COL19A1: variants seen among roughly 807,000 people sequenced by gnomAD.
COL19A1 encodes collagen type XIX alpha 1 chain, also known as collagen alpha-1(XIX) chain.
Under a neutral mutation model 190.2 loss-of-function variants are expected in COL19A1, and 159 were observed. That is an observed-to-expected ratio of 0.84 (90% CI 0.73 to 0.95). COL19A1 has a LOEUF of 0.95. Ranked by LOEUF, COL19A1 falls within the 40% of genes least tolerant of loss-of-function variation. The probability of loss-of-function intolerance (pLI) is 0.00; values close to 1 mark genes in which losing one functional copy is unlikely to be tolerated. For missense variants in COL19A1, 1,418 were observed against 1,431.9 expected, an observed-to-expected ratio of 0.99 and a Z score of 0.16; for synonymous variants, 509 against 458.9, an observed-to-expected ratio of 1.11 and a Z score of -1.39.
intron 5 of COL19A1, among the ~76,000 whole-genome samples, chr6:69,928,252 G>C (rs1772525440): frequency 6.6e-6 from 1 of 151,886 alleles, no homozygotes; most frequent in African/African-American, 2.4e-5. Flanking sequence ...GTTAGTTTTT[G>C]TTTTTATTTT....
intron 17 of COL19A1, among the ~76,000 whole-genome samples, chr6:70,127,591 G>A (rs781243780): frequency 7.2e-5 from 11 of 152,308 alleles, no homozygotes; most frequent in South Asian, 4.2e-4. Context: ...CCTAGACTGG[G>A]CAATTTACAA....
intron 4 of COL19A1, among the ~76,000 whole-genome samples, chr6:69,906,276 G>A (rs1436386667): frequency 6.6e-6 from 1 of 152,124 alleles, no homozygotes; most frequent in Non-Finnish European, 1.5e-5. Flanking sequence ...CAGCTTGACT[G>A]GCCGATGAAG....
chr6:70,210,562 T>A lies in COL19A1; in HGVS notation c.*3288T>A, dbSNP rs1220492008. Among the ~76,000 whole-genome samples, 1 of 152,182 alleles carries A rather than the reference T, an allele frequency of 6.6e-6. No individual in the cohort carries two copies. The highest frequency in any genetic ancestry group is 1.5e-5 in the Non-Finnish European group (1 of 68,006). On this transcript the variant is annotated 3_prime_UTR_variant, in exon 51 of 51. Transcript: ENST00000620364. ...TGTCTGTGAAAATTATCATTTGATA[T>A]TTGGCTTATAAAGTAATTTTTATGA...
At chr6:69,881,212 G>A (rs1214898700) in intron 2 of COL19A1, among the ~76,000 whole-genome samples, 2 of 152,144 alleles carry the variant, frequency 1.3e-5, no homozygotes, top group Non-Finnish European at 2.9e-5. Context: ...ATTATCTGAG[G>A]AAAACTCTTA....
chr6:70,166,133 A>G lies in COL19A1; in HGVS notation c.2445+148A>G, dbSNP rs1361308384. The G allele has an allele frequency of 8.4e-6, 6 of 717,720 alleles. No homozygotes were observed. In the African/African-American group the frequency reaches 1.1e-4, roughly 13 times the overall value. 44.5% of individuals were successfully genotyped at this position (717,720 alleles called of 1,614,324 possible). A position where few individuals can be genotyped will look rare whatever the true frequency, so the allele number is the denominator to read the frequency against. The stretch of plus-strand genomic sequence containing the variant: ...ATAAATGATAGCCAATGTAGCTTTA[A>G]AGAGACCTGATTTGTTCTCCTTTTG... On this transcript the variant is annotated intron_variant, in intron 37 of 50. Coordinates refer to ENST00000620364, the MANE Select transcript of COL19A1 (RefSeq NM_001858.6).
intron 8 of COL19A1, among the ~76,000 whole-genome samples, chr6:69,937,439 C>T (rs915659522): frequency 2.6e-5 from 4 of 152,080 alleles, no homozygotes; most frequent in Non-Finnish European, 4.4e-5. Flanking sequence ...AATATGATCC[C>T]CTGGTCAAGA....
chr6:70,163,469 G>T, intron 36 of COL19A1, 73 bp downstream of exon 36: 1 of 1,390,288 alleles, frequency 7.2e-7, no homozygotes, highest in South Asian at 1.2e-5. Context: ...TCTTCACAGA[G>T]AGAGCCATAA....
intron 6 of COL19A1, 143 bp from the exon 7 acceptor site, chr6:69,932,640 T>A (rs975417960): frequency 2.6e-5 from 15 of 570,070 alleles, no homozygotes; most frequent in Non-Finnish European, 6.2e-6. Flanking sequence ...GAATCCTACA[T>A]TTAATAAAAA....
chr6:69,925,926 A>G (rs2150008168), intron 4 of COL19A1, among the ~76,000 whole-genome samples: 1 of 152,292 alleles, frequency 6.6e-6, no homozygotes, highest in South Asian at 2.1e-4. Flanking sequence ...TGATTTTTGC[A>G]CATTGATTTT....
At chr6:69,991,536 C>T (rs1776621810) in intron 11 of COL19A1, among the ~76,000 whole-genome samples, 1 of 152,046 alleles carries the variant, frequency 6.6e-6, no homozygotes, top group Non-Finnish European at 1.5e-5. Flanking sequence ...TATCTGCAAC[C>T]TTGCCAACAT....
chr6:70,160,383 T>G (rs746656667), intron 34 of COL19A1, among the ~76,000 whole-genome samples: 15 of 152,060 alleles, frequency 9.9e-5, no homozygotes, highest in Non-Finnish European at 1.8e-4. Flanking sequence ...CCTCCCTCCC[T>G]CTACATGTGG....
chr6:69,947,093 G>A (rs1352922756), intron 9 of COL19A1, among the ~76,000 whole-genome samples: 4 of 151,710 alleles, frequency 2.6e-5, no homozygotes, highest in African/African-American at 4.8e-5. Context: ...TCCCTGCTCC[G>A]GAACATTGGC....
At chr6:70,083,042 C>T (rs570029438) in intron 15 of COL19A1, among the ~76,000 whole-genome samples, 1 of 152,178 alleles carries the variant, frequency 6.6e-6, no homozygotes, top group African/African-American at 2.4e-5. Context: ...GTCCACAGAC[C>T]GGTACCAGCC....
chr6:69,911,399 A>G (rs1481310868), intron 4 of COL19A1, among the ~76,000 whole-genome samples: 2 of 152,036 alleles, frequency 1.3e-5, no homozygotes, highest in East Asian at 1.9e-4. Flanking sequence ...TTTTCCCCCA[A>G]ATTAGGTGAC....
intron 42 of COL19A1, among the ~76,000 whole-genome samples, chr6:70,180,007 C>T (rs1463929554): frequency 2.0e-5 from 3 of 152,076 alleles, no homozygotes; most frequent in African/African-American, 4.8e-5. Context: ...CTCGGGCTCC[C>T]GAGTAGCTGG....
intron 11 of COL19A1, among the ~76,000 whole-genome samples, chr6:70,010,219 A>G (rs1777902779): frequency 6.6e-6 from 1 of 152,202 alleles, no homozygotes; most frequent in Non-Finnish European, 1.5e-5. Flanking sequence ...TAAACAAACA[A>G]TCCAATTTTT....
chr6:69,902,051 C>A (rs1019739046), intron 4 of COL19A1, among the ~76,000 whole-genome samples: 2 of 152,182 alleles, frequency 1.3e-5, no homozygotes, highest in African/African-American at 4.8e-5. Context: ...TAAGTGAATT[C>A]TCTGGTTCTG....
chr6:69,920,599 A>G (rs548956472), intron 4 of COL19A1, among the ~76,000 whole-genome samples: 28 of 152,228 alleles, frequency 1.8e-4, no homozygotes, highest in African/African-American at 6.3e-4. Context: ...GTTTGACTGT[A>G]TGATGTTTAG....
intron 15 of COL19A1, among the ~76,000 whole-genome samples, chr6:70,071,748 G>C (rs1781569472): frequency 1.3e-5 from 2 of 152,022 alleles, no homozygotes; most frequent in South Asian, 4.1e-4. Context: ...ATGGCATTGG[G>C]GGTTGGGGGC....
Sources: allele counts gnomAD v4.1 joint callset (sites outside exome capture counted in the v4.1 genomes callset), GRCh38; gene constraint gnomAD v4.1.1; transcripts MANE v1.5; gene names NCBI Gene and HGNC (gene_info 2026-07-23, HGNC 2026-07-21).